Variants in SMYD3 observed in about 807,000 individuals in gnomAD.
SMYD3 encodes the protein SET and MYND domain containing 3, also known as histone-lysine N-methyltransferase SMYD3.
Under a neutral mutation model 57.7 loss-of-function variants are expected in SMYD3, and 36 were observed. The ratio of observed to expected loss-of-function variants is 0.62; its 90% CI spans 0.48 to 0.82. The LOEUF is 0.82. SMYD3 is among the 40% of genes least tolerant of loss of function. SMYD3 has a pLI of 0.00. For missense variants in SMYD3, 515 were observed against 538.8 expected (o/e 0.96, Z 0.44); for synonymous variants, 211 against 195.0 (o/e 1.08, Z -0.68).
intron 5 of SMYD3, among the ~76,000 whole-genome samples, chr1:246,162,780 C>A (rs1265103712): frequency 6.6e-6 from 1 of 152,168 alleles, no homozygotes; most frequent in Admixed American, 6.5e-5. Flanking sequence ...ATATAACCTG[C>A]ATAATGAACA....
intron 10 of SMYD3, among the ~76,000 whole-genome samples, chr1:245,830,155 G>A (rs1192452576): frequency 6.6e-6 from 1 of 152,186 alleles, no homozygotes; most frequent in Non-Finnish European, 1.5e-5. Flanking sequence ...ATAGTATGAA[G>A]ATATACTGAG....
chr1:245,798,030 T>A (rs563630588), intron 10 of SMYD3, among the ~76,000 whole-genome samples: 20 of 152,258 alleles, frequency 1.3e-4, no homozygotes, highest in Admixed American at 5.2e-4. Flanking sequence ...TCATTCGGCA[T>A]CAACGTCCAG....
chr1:246,033,368 T>G (rs527284089), intron 5 of SMYD3, among the ~76,000 whole-genome samples: 1 of 152,240 alleles, frequency 6.6e-6, no homozygotes, highest in Non-Finnish European at 1.5e-5. Context: ...GAGTACAGAT[T>G]AGTAGCTCTA....
chr1:246,035,248 A>G (rs2148275971), intron 5 of SMYD3: 1 of 152,268 alleles, frequency 6.6e-6, no homozygotes, highest in South Asian at 2.1e-4. Context: ...TGCCATGTCA[A>G]CCCCCATTCC....
At chr1:245,863,995 G>C in intron 8 of SMYD3, 109 bp from the exon 9 acceptor site, 1 of 944,268 alleles carries the variant, frequency 1.1e-6, no homozygotes, top group Non-Finnish European at 1.6e-6. Flanking sequence ...CTGAAAAGAT[G>C]CTTGGCATCA....
In SMYD3 at chr1:245,858,990, C is replaced by T. The variant is rs573043054; in HGVS notation, c.902-320G>A. ...AATCTAGTCATAAATAAATGCAGTC[C>T]TTTATTAAATTGGACTAAAGATTAA... On this transcript the variant is annotated intron_variant, in intron 9 of 11. Transcript: ENST00000490107. Among the ~76,000 whole-genome samples, 6 of 152,208 alleles carry T rather than the reference C, an allele frequency of 3.9e-5. No individual in the cohort carries two copies. The South Asian group carries it at 8.3e-4, about 21-fold the overall frequency.
chr1:246,408,711 C>T (rs960646492), intron 1 of SMYD3, among the ~76,000 whole-genome samples: 3 of 147,106 alleles, frequency 2.0e-5, no homozygotes, highest in Non-Finnish European at 3.0e-5. Flanking sequence ...GCTCTCTCAC[C>T]CAGGCTGGAA....
intron 10 of SMYD3, among the ~76,000 whole-genome samples, chr1:245,775,002 T>A (rs1224022497): frequency 6.6e-6 from 1 of 152,104 alleles, no homozygotes; most frequent in East Asian, 1.9e-4. Flanking sequence ...GTTCACTCAG[T>A]GGTCAATGGT....
intron 6 of SMYD3, among the ~76,000 whole-genome samples, chr1:245,929,521 G>A (rs760944497): frequency 6.6e-6 from 1 of 152,130 alleles, no homozygotes; most frequent in African/African-American, 2.4e-5. Flanking sequence ...CGGCAAGTCC[G>A]GTGAAATCAG....
chr1:246,282,205 T>C (rs1371796485), intron 5 of SMYD3, among the ~76,000 whole-genome samples: 5 of 148,244 alleles, frequency 3.4e-5, no homozygotes, highest in Non-Finnish European at 1.5e-5. Context: ...CAGTGGTTCA[T>C]GCCCGTAATC....
chr1:245,852,631 G>A (rs1439840835), intron 10 of SMYD3, among the ~76,000 whole-genome samples: 3 of 152,142 alleles, frequency 2.0e-5, no homozygotes, highest in Non-Finnish European at 4.4e-5. Context: ...ATATCTACTA[G>A]TCATTGTCAT....
intron 5 of SMYD3, among the ~76,000 whole-genome samples, chr1:246,169,754 A>C (rs1281841260): frequency 6.6e-6 from 1 of 152,116 alleles, no homozygotes; most frequent in African/African-American, 2.4e-5. Context: ...AACTACAAAA[A>C]TTAGCAGGGC....
intron 5 of SMYD3, among the ~76,000 whole-genome samples, chr1:246,094,188 T>G (rs1325460039): frequency 6.6e-6 from 1 of 151,972 alleles, no homozygotes; most frequent in Non-Finnish European, 1.5e-5. Flanking sequence ...TTATTTCTAA[T>G]CAAAGGAAAA....
At position 246,503,885 on chromosome 1, in the gene SMYD3, C is replaced by T. The variant is rs187527579; in HGVS notation, c.164+3169G>A. Among the ~76,000 whole-genome samples, 319 of 145,250 alleles carry T rather than the reference C, an allele frequency of 2.2e-3. 2 individuals carry two copies. Among genetic ancestry groups the T allele is most frequent in the African/African-American group, 7.0e-3 (270 of 38,840 alleles). On this transcript the variant is annotated intron_variant, in intron 1 of 11. Coordinates refer to ENST00000490107, the MANE Select transcript of SMYD3 (RefSeq NM_001167740.2). ...AGGAGAATCGCTTGCACCTGGGAGG[C>T]GGAGGTTGTGGTGAGCCAAGATCAC... is the stretch of plus-strand genomic sequence containing the variant.
intron 1 of SMYD3, among the ~76,000 whole-genome samples, chr1:246,488,964 G>A (rs1434395634): frequency 6.6e-6 from 1 of 152,102 alleles, no homozygotes; most frequent in East Asian, 1.9e-4. Context: ...GAGGCACTGA[G>A]AGCCAGATTT....
At chr1:246,133,508 T>C (rs1348400054) in intron 5 of SMYD3, among the ~76,000 whole-genome samples, 1 of 152,094 alleles carries the variant, frequency 6.6e-6, no homozygotes, top group African/African-American at 2.4e-5. Flanking sequence ...GTTCCTTCAG[T>C]TTTTAATATA....
chr1:246,172,501 G>A (rs2062357509), intron 5 of SMYD3, among the ~76,000 whole-genome samples: 1 of 127,392 alleles, frequency 7.8e-6, no homozygotes, highest in Non-Finnish European at 1.7e-5. Flanking sequence ...AGGCTACACA[G>A]GCCTAGAACA....
chr1:246,495,125 G>A lies in SMYD3; in HGVS notation c.164+11929C>T, dbSNP rs1361940430. Among the ~76,000 whole-genome samples, 8 of 152,206 alleles carry A rather than the reference G, an allele frequency of 5.3e-5. No homozygotes were observed. In the South Asian group the frequency reaches 6.2e-4, roughly 12 times the overall value. ...AGCACTTTGGGAGGCCAAGGCGGGT[G>A]GATCACGAGGTCAGGAGATCGAGAC... On this transcript the variant is annotated intron_variant, in intron 1 of 11. Coordinates refer to ENST00000490107, the MANE Select transcript of SMYD3 (RefSeq NM_001167740.2).
At chr1:246,132,481 A>G (rs1344198088) in intron 5 of SMYD3, among the ~76,000 whole-genome samples, 2 of 152,116 alleles carry the variant, frequency 1.3e-5, no homozygotes, top group East Asian at 3.8e-4. Flanking sequence ...CTTACGTTAC[A>G]CCATATACAA....
Sources: allele counts gnomAD v4.1 joint callset (sites outside exome capture counted in the v4.1 genomes callset), GRCh38; gene constraint gnomAD v4.1.1; transcripts MANE v1.5; gene names NCBI Gene and HGNC (gene_info 2026-07-23, HGNC 2026-07-21).